The following KLF12 variants were observed in gnomAD, a reference collection of about 807,000 sequenced individuals.
KLF12 encodes Krueppel-like factor 12.
KLF12 carries 9 observed loss-of-function variants against 37.8 expected under a neutral mutation model. The observed-to-expected ratio is 0.24, with a 90% CI of 0.14 to 0.42. KLF12 has a LOEUF of 0.42. Ranked by LOEUF, KLF12 falls within the 10% of genes least tolerant of loss-of-function variation. The probability of loss-of-function intolerance (pLI) is 1.00; values close to 1 mark genes in which losing one functional copy is unlikely to be tolerated. For synonymous variants in KLF12, 208 were observed against 202.1 expected, an observed-to-expected ratio of 1.03 and a Z score of -0.25; for missense variants, 411 against 516.0, an observed-to-expected ratio of 0.80 and a Z score of 1.97.
At chr13:74,075,514 T>G (rs1344306316) in intron 1 of KLF12, among the ~76,000 whole-genome samples, 1 of 152,174 alleles carries the variant, frequency 6.6e-6, no homozygotes, top group Non-Finnish European at 1.5e-5. Flanking sequence ...TAGGTAAAGG[T>G]ACTGGTATTT....
At chr13:74,008,676 T>C (rs1483421725) in intron 1 of KLF12, among the ~76,000 whole-genome samples, 1 of 152,222 alleles carries the variant, frequency 6.6e-6, no homozygotes, top group African/African-American at 2.4e-5. Flanking sequence ...AATTAAGGGG[T>C]TGAAGATCTT....
the KLF12 span, among the ~76,000 whole-genome samples, chr13:74,163,719 G>T: frequency 2.0e-5 from 3 of 152,012 alleles, no homozygotes; most frequent in Non-Finnish European, 4.4e-5. Flanking sequence ...ATAACTTAAA[G>T]AATGTAATTG....
chr13:73,746,809 C>T (rs998109143), intron 6 of KLF12, among the ~76,000 whole-genome samples: 4 of 119,184 alleles, frequency 3.4e-5, no homozygotes, highest in African/African-American at 7.8e-5. Flanking sequence ...CTCCCTCCCT[C>T]CTTTTTTTTT....
At chr13:74,094,375 T>C (rs557544754) in intron 1 of KLF12, among the ~76,000 whole-genome samples, 1 of 150,868 alleles carries the variant, frequency 6.6e-6, no homozygotes, top group Admixed American at 6.6e-5. Flanking sequence ...AAATGATCCA[T>C]GGTATAATGG....
chr13:73,992,992 G>A (rs1248203694), intron 2 of KLF12, among the ~76,000 whole-genome samples: 1 of 152,204 alleles, frequency 6.6e-6, no homozygotes, highest in Non-Finnish European at 1.5e-5. Context: ...AACACATTGG[G>A]AGGCCAAGGT....
chr13:73,815,449 A>G (rs2138454099), intron 4 of KLF12, among the ~76,000 whole-genome samples: 1 of 152,368 alleles, frequency 6.6e-6, no homozygotes, highest in East Asian at 1.9e-4. Context: ...AAAGGAACGT[A>G]GGATCCAGGA....
chr13:73,804,171 G>A lies in KLF12; in HGVS notation c.806+8981C>T, dbSNP rs527250816. Among the ~76,000 whole-genome samples the A allele has an allele frequency of 7.5e-4, 114 of 152,170 alleles. 1 individual carries two copies. Among genetic ancestry groups the A allele is most frequent in the African/African-American group, 2.6e-3 (107 of 41,522 alleles). ...CTTCCACATGCCAATGCTCTTACCT[G>A]TTCCACTCGGAGTTACATGTCATCC... On this transcript the variant is annotated intron_variant, in intron 5 of 7. Transcript: ENST00000377669.
chr13:73,890,932 T>C (rs1198543884), intron 3 of KLF12, among the ~76,000 whole-genome samples: 2 of 152,084 alleles, frequency 1.3e-5, no homozygotes, highest in African/African-American at 2.4e-5. Flanking sequence ...CATTCTAAAA[T>C]TGCAAATAAA....
intron 3 of KLF12, among the ~76,000 whole-genome samples, chr13:73,886,136 C>T (rs1887213187): frequency 6.6e-6 from 1 of 152,128 alleles, no homozygotes; most frequent in East Asian, 1.9e-4. Context: ...CACCAGGTAC[C>T]AGTCTATGGA....
intron 5 of KLF12, among the ~76,000 whole-genome samples, chr13:73,775,097 T>C (rs540470347): frequency 1.3e-5 from 2 of 152,190 alleles, no homozygotes; most frequent in South Asian, 2.1e-4. Flanking sequence ...TTTGTATTTT[T>C]AGTAGAGACA....
chr13:73,945,093 G>T (rs1048976308), intron 2 of KLF12, among the ~76,000 whole-genome samples: 1 of 152,112 alleles, frequency 6.6e-6, no homozygotes, highest in African/African-American at 2.4e-5. Context: ...TTGCCTACCT[G>T]GTGAAAAAGA....
At chr13:74,215,704 A>C in the KLF12 span, among the ~76,000 whole-genome samples, 1 of 152,092 alleles carries the variant, frequency 6.6e-6, no homozygotes, top group Non-Finnish European at 1.5e-5. Context: ...ATTTCGCTGC[A>C]CCAGAGATTT....
intron 6 of KLF12, among the ~76,000 whole-genome samples, chr13:73,751,620 A>G (rs543425704): frequency 6.6e-6 from 1 of 152,224 alleles, no homozygotes; most frequent in East Asian, 1.9e-4. Context: ...TGAGGTTTCT[A>G]GCTTGGGTGA....
chr13:74,027,392 A>G (rs1893002326), intron 1 of KLF12, among the ~76,000 whole-genome samples: 2 of 152,178 alleles, frequency 1.3e-5, no homozygotes, highest in African/African-American at 4.8e-5. Context: ...TGTTCATTCA[A>G]CATGCATACA....
At chr13:74,110,008 G>A (rs1876884062) in intron 1 of KLF12, among the ~76,000 whole-genome samples, 1 of 152,136 alleles carries the variant, frequency 6.6e-6, no homozygotes, top group African/African-American at 2.4e-5. Context: ...TTGAAATGAT[G>A]TGGGACTAAG....
intron 4 of KLF12, among the ~76,000 whole-genome samples, chr13:73,823,377 G>C (rs1265305108): frequency 6.6e-6 from 1 of 152,076 alleles, no homozygotes; most frequent in Non-Finnish European, 1.5e-5. Context: ...CCACAGAAGG[G>C]TTCTCTGCTA....
At chr13:74,000,598 T>C (rs1057476745) in intron 1 of KLF12, among the ~76,000 whole-genome samples, 1 of 152,152 alleles carries the variant, frequency 6.6e-6, no homozygotes, top group African/African-American at 2.4e-5. Flanking sequence ...CTACAGAAAG[T>C]AAAATTTAAT....
At chr13:73,842,084 G>A (rs576307972) in intron 4 of KLF12, among the ~76,000 whole-genome samples, 2 of 152,174 alleles carry the variant, frequency 1.3e-5, no homozygotes, top group South Asian at 2.1e-4. Flanking sequence ...TCACTAGAAG[G>A]CATTTTCACA....
At chr13:73,876,887 C>T (rs562417680) in intron 3 of KLF12, among the ~76,000 whole-genome samples, 3 of 151,816 alleles carry the variant, frequency 2.0e-5, no homozygotes, top group Non-Finnish European at 4.4e-5. Flanking sequence ...TGGTGGCACA[C>T]GCCTGTAATC....
Sources: gnomAD v4.1 joint callset for allele counts (sites outside exome capture counted in the v4.1 genomes callset) on GRCh38, gnomAD v4.1.1 for gene constraint, MANE v1.5 for transcripts, NCBI Gene and HGNC (gene_info 2026-07-23, HGNC 2026-07-21) for gene names.